RUNX2: variants seen among roughly 807,000 people sequenced by gnomAD.
RUNX2 encodes the protein runt-related transcription factor 2.
Under a neutral mutation model 51.7 loss-of-function variants are expected in RUNX2, and 10 were observed. The observed-to-expected ratio is 0.19, with a 90% confidence interval of 0.12 to 0.33. The LOEUF (loss-of-function observed/expected upper bound fraction) is 0.33. Ranked by LOEUF, RUNX2 falls within the 10% of genes least tolerant of loss-of-function variation. RUNX2 has a pLI of 1.00. For synonymous variants in RUNX2, 276 were observed against 273.6 expected, an observed-to-expected ratio of 1.01 and a Z score of -0.09; for missense variants, 562 against 691.3, an observed-to-expected ratio of 0.81 and a Z score of 2.10.
intron 2 of RUNX2, among the ~76,000 whole-genome samples, chr6:45,371,519 A>T (rs1327195372): frequency 6.6e-6 from 1 of 152,150 alleles, no homozygotes; most frequent in Non-Finnish European, 1.5e-5. Flanking sequence ...GATAGCAGAT[A>T]ACCTGAAATA....
intron 5 of RUNX2, among the ~76,000 whole-genome samples, chr6:45,448,885 A>G (rs549821723): frequency 6.6e-6 from 1 of 152,298 alleles, no homozygotes; most frequent in South Asian, 2.1e-4. Context: ...TACCAAATGC[A>G]GGTTGTTCTA....
intron 5 of RUNX2, among the ~76,000 whole-genome samples, chr6:45,475,169 A>C (rs1394632001): frequency 6.6e-6 from 1 of 152,070 alleles, no homozygotes; most frequent in African/African-American, 2.4e-5. Flanking sequence ...AGGAGATAAG[A>C]CATGGGTATT....
intron 5 of RUNX2, among the ~76,000 whole-genome samples, chr6:45,488,711 AGG>A (rs921885909): frequency 2.3e-5 from 3 of 130,116 alleles, no homozygotes; most frequent in African/African-American, 9.1e-5. Flanking sequence ...GGAAGGATTC[AGG>A]GAGAAGTTCA....
intron 6 of RUNX2, among the ~76,000 whole-genome samples, chr6:45,507,009 T>C (rs754469414): frequency 2.6e-5 from 4 of 151,708 alleles, no homozygotes; most frequent in Non-Finnish European, 5.9e-5. Context: ...ATAGCATTGA[T>C]TTAGCCCCCG....
chr6:45,348,616 A>G (rs1319013335), intron 2 of RUNX2, among the ~76,000 whole-genome samples: 1 of 150,624 alleles, frequency 6.6e-6, no homozygotes, highest in Non-Finnish European at 1.5e-5. Context: ...TGGAGGTTGC[A>G]GTGAGCCAAG....
At chr6:45,498,561 T>A (rs563334028) in intron 6 of RUNX2, among the ~76,000 whole-genome samples, 1 of 152,250 alleles carries the variant, frequency 6.6e-6, no homozygotes, top group Non-Finnish European at 1.5e-5. Context: ...TTCAATATAA[T>A]CATTTAAATG....
intron 3 of RUNX2, among the ~76,000 whole-genome samples, chr6:45,425,481 T>A (rs886991843): frequency 2.6e-5 from 4 of 152,238 alleles, no homozygotes; most frequent in Non-Finnish European, 4.4e-5. Flanking sequence ...CCATATTAAA[T>A]TGACTATTTT....
chr6:45,339,595 T>C (rs973679762), intron 2 of RUNX2, among the ~76,000 whole-genome samples: 2 of 151,972 alleles, frequency 1.3e-5, no homozygotes, highest in African/African-American at 4.8e-5. Flanking sequence ...TAACAAGCTA[T>C]ATTAATAAGG....
intron 7 of RUNX2, among the ~76,000 whole-genome samples, chr6:45,517,325 G>A (rs1037012650): frequency 2.0e-5 from 3 of 152,056 alleles, no homozygotes; most frequent in South Asian, 4.1e-4. Context: ...GGGACTAAAG[G>A]CCTGCACCAC....
chr6:45,388,425 G>T (rs940416382), intron 2 of RUNX2, among the ~76,000 whole-genome samples: 48 of 152,204 alleles, frequency 3.2e-4, no homozygotes, highest in African/African-American at 1.1e-3. Context: ...GGCTTTAAAA[G>T]TGTACTTGCA....
At chr6:45,328,619 T>G (rs202046248) in intron 1 of RUNX2, 42 bp from the exon 2 acceptor site, 1 of 1,608,930 alleles carries the variant, frequency 6.2e-7, no homozygotes, top group East Asian at 2.2e-5. Context: ...CCAGGCATAC[T>G]GTAAAACTAA....
intron 2 of RUNX2, among the ~76,000 whole-genome samples, chr6:45,386,727 T>G (rs991514011): frequency 2.6e-5 from 4 of 152,206 alleles, no homozygotes; most frequent in Admixed American, 2.0e-4. Context: ...TGAGGAAGGA[T>G]AATTTAGGCA....
chr6:45,470,051 T>A (rs1799752125), intron 5 of RUNX2, among the ~76,000 whole-genome samples: 1 of 152,220 alleles, frequency 6.6e-6, no homozygotes, highest in African/African-American at 2.4e-5. Flanking sequence ...AAGTAGATAT[T>A]TTTTCTGCCA....
At chr6:45,333,880 G>C (rs2150096269) in intron 2 of RUNX2, among the ~76,000 whole-genome samples, 1 of 151,206 alleles carries the variant, frequency 6.6e-6, no homozygotes, top group East Asian at 1.9e-4. Flanking sequence ...CTAAATAAAA[G>C]ATAAATGTTT....
intron 8 of RUNX2, 74 bp downstream of exon 8, chr6:45,545,356 T>C: frequency 1.4e-6 from 2 of 1,478,430 alleles, no homozygotes; most frequent in Non-Finnish European, 1.8e-6. Context: ...CTGTCCGATT[T>C]GTGAGTTTTG....
chr6:45,385,556 T>C (rs1243952817), intron 2 of RUNX2, among the ~76,000 whole-genome samples: 1 of 152,180 alleles, frequency 6.6e-6, no homozygotes, highest in Non-Finnish European at 1.5e-5. Context: ...GAAAGGGAGT[T>C]AACATCACAA....
chr6:45,383,153 G>A (rs112627708), intron 2 of RUNX2, among the ~76,000 whole-genome samples: 2,741 of 152,172 alleles, frequency 0.018, 39 homozygotes, highest in Non-Finnish European at 0.026. Context: ...ATAAGTTCTG[G>A]GCCGGGCACG....
At chr6:45,467,006 C>T (rs188241923) in intron 5 of RUNX2, among the ~76,000 whole-genome samples, 185 of 152,310 alleles carry the variant, frequency 1.2e-3, no homozygotes, top group Non-Finnish European at 2.0e-3. Flanking sequence ...TTAGACTTGT[C>T]GCCTTCATTT....
intron 2 of RUNX2, among the ~76,000 whole-genome samples, chr6:45,412,799 C>A (rs897033628): frequency 2.6e-5 from 4 of 151,988 alleles, no homozygotes; most frequent in Non-Finnish European, 4.4e-5. Flanking sequence ...GGCTGTAGTG[C>A]AGTGGCACAA....
Sources: allele counts gnomAD v4.1 joint callset (sites outside exome capture counted in the v4.1 genomes callset), GRCh38; gene constraint gnomAD v4.1.1; transcripts MANE v1.5; gene names NCBI Gene and HGNC (gene_info 2026-07-23, HGNC 2026-07-21).